The following ARMC7 variants were observed in gnomAD, a reference collection of about 807,000 sequenced individuals.
The protein encoded by ARMC7 is armadillo repeat containing 7, also known as armadillo repeat-containing protein 7.
A neutral mutation model predicts 14.8 loss-of-function variants in ARMC7; 9 were observed. The ratio of observed to expected loss-of-function variants is 0.61; its 90% CI spans 0.37 to 1.06. The LOEUF is 1.06. Among genes scored for constraint, ARMC7 ranks in the 50% least tolerant of loss-of-function variants. The pLI is 0.01. For synonymous variants in ARMC7, 125 were observed against 123.4 expected (o/e 1.01, Z -0.09); for missense variants, 262 against 267.1 (o/e 0.98, Z 0.13).
intron 2 of ARMC7, among the ~76,000 whole-genome samples, chr17:75,110,905 A>G (rs55717701): frequency 0.018 from 2,622 of 143,376 alleles, 35 homozygotes; most frequent in Non-Finnish European, 0.03. Context: ...GTGAGCTGAG[A>G]TCGTGCCACT....
Position 75,110,173 on chromosome 17 carries a change from C to G in ARMC7, c.-116C>G. 2.0e-6 allele frequency: 2 copies of G among 991,908 alleles called. No homozygotes were observed. The highest frequency in any genetic ancestry group is 1.6e-5 in the African/African-American group (1 of 60,840). The allele number at this position is 991,908 out of a possible 1,614,324, so 61.4% of individuals were successfully genotyped here. A position where few individuals can be genotyped will look rare whatever the true frequency, so the allele number is the denominator to read the frequency against. The stretch of plus-strand genomic sequence containing the variant: ...GAACCCAGGAAAGAAACCCATTTGC[C>G]GACCCCCTCTTCCCTCTCCAGACAG... On this transcript the variant is annotated 5_prime_UTR_variant, in exon 1 of 3. Transcript: ENST00000245543.
intron 2 of ARMC7, among the ~76,000 whole-genome samples, chr17:75,125,588 AGCACTTT>A (rs2074045959): frequency 6.6e-6 from 1 of 152,128 alleles, no homozygotes; most frequent in Admixed American, 6.6e-5. Context: ...CCGTAATCCT[AGCACTTT>A]GGGAGGCCAA....
chr17:75,119,741 G>C (rs1020831081), intron 2 of ARMC7, among the ~76,000 whole-genome samples: 3 of 151,396 alleles, frequency 2.0e-5, no homozygotes, highest in African/African-American at 7.3e-5. Context: ...GATTACAGGC[G>C]TGAGCCACCA....
chr17:75,118,143 G>A (rs545390045), intron 2 of ARMC7, among the ~76,000 whole-genome samples: 45 of 149,010 alleles, frequency 3.0e-4, no homozygotes, highest in African/African-American at 1.1e-3. Context: ...AAAAAACAAA[G>A]TTATCTTTAG....
intron 2 of ARMC7, among the ~76,000 whole-genome samples, chr17:75,113,548 G>A (rs1029581965): frequency 6.6e-6 from 1 of 151,176 alleles, no homozygotes; most frequent in African/African-American, 2.4e-5. Context: ...GTAGAGACGG[G>A]GTTTCACCGT....
In ARMC7 at chr17:75,110,214, G is replaced by A. The variant is rs1448347624; in HGVS notation, c.-75G>A. ...CTCCAGACAGGTGGAGAGCGGGTGA[G>A]GGTCTCGCTCGGCTTTCCCCCTGCA... is the stretch of plus-strand genomic sequence containing the variant. On this transcript the variant is annotated 5_prime_UTR_variant, in exon 1 of 3. Coordinates refer to ENST00000245543, the MANE Select transcript of ARMC7 (RefSeq NM_024585.4). 2.9e-6 allele frequency: 4 copies of A among 1,390,424 alleles called. No homozygotes were observed. Among genetic ancestry groups the A allele is most frequent in the Non-Finnish European group, 3.9e-6 (4 of 1,036,302 alleles). 86.1% of individuals were successfully genotyped at this position (1,390,424 alleles called of 1,614,324 possible). A position where few individuals can be genotyped will look rare whatever the true frequency, so the allele number is the denominator to read the frequency against.
At chr17:75,113,743 A>G (rs116308635) in intron 2 of ARMC7, among the ~76,000 whole-genome samples, 2,173 of 152,342 alleles carry the variant, frequency 0.014, 44 homozygotes, top group African/African-American at 0.049. Context: ...GGGCCAGACT[A>G]CAAATGAGGG....
At position 75,110,453 on chromosome 17, in the gene ARMC7, C is replaced by A. The variant is rs746597097; in HGVS notation, c.92-10C>A. 2 of 1,614,252 alleles carry A rather than the reference C, an allele frequency of 1.2e-6. No homozygotes were observed. Among genetic ancestry groups the A allele is most frequent in the Non-Finnish European group, 1.7e-6 (2 of 1,180,040 alleles). ...CCGGACCTGGCTTCAGTGCCGCTTT[C>A]CCGTTGCAGACGCCAAGGAGCAAGT... is the stretch of plus-strand genomic sequence containing the variant. On this transcript the variant is annotated splice_polypyrimidine_tract_variant and intron_variant, in intron 1 of 2. Coordinates refer to ENST00000245543, the MANE Select transcript of ARMC7 (RefSeq NM_024585.4).
At chr17:75,114,742 C>A (rs990366541) in intron 2 of ARMC7, 19 of 398,402 alleles carry the variant, frequency 4.8e-5, no homozygotes, top group Middle Eastern at 6.2e-4. Flanking sequence ...GACCCCCCCG[C>A]CCCAAGCACA....
At position 75,118,438 on chromosome 17, in the gene ARMC7, C is replaced by G. The variant is rs568770118; in HGVS notation, c.235+7832C>G. Among the ~76,000 whole-genome samples the G allele has an allele frequency of 2.0e-5, 3 of 152,316 alleles. No individual in the cohort carries two copies. The South Asian group carries it at 6.2e-4, about 32-fold the overall frequency. ...GAACTACAGTGGCAGCAACCACTTG[C>G]CAACAGGGGCCTGGCCTCACTCACC... On this transcript the variant is annotated intron_variant, in intron 2 of 2. Transcript: ENST00000245543.
intron 2 of ARMC7, among the ~76,000 whole-genome samples, chr17:75,111,263 G>A (rs1568013611): frequency 6.6e-6 from 1 of 151,926 alleles, no homozygotes; most frequent in East Asian, 1.9e-4. Context: ...TGGCCAACAT[G>A]GTGAAACCCC....
chr17:75,127,669 T>C (rs2074061856), intron 2 of ARMC7, among the ~76,000 whole-genome samples: 1 of 152,048 alleles, frequency 6.6e-6, no homozygotes, highest in Admixed American at 6.6e-5. Flanking sequence ...GTTCATGGCT[T>C]ACTGCAGCTC....
At chr17:75,122,784 TTTATAG>T (rs1333762590) in intron 2 of ARMC7, among the ~76,000 whole-genome samples, 3 of 151,742 alleles carry the variant, frequency 2.0e-5, no homozygotes, top group African/African-American at 7.3e-5. Context: ...TCTCACGGAG[TTTATAG>T]TTTAGTGGAG....
At chr17:75,111,725 G>A (rs1476501765) in intron 2 of ARMC7, among the ~76,000 whole-genome samples, 1 of 151,620 alleles carries the variant, frequency 6.6e-6, no homozygotes, top group Non-Finnish European at 1.5e-5. Flanking sequence ...GTGACAAAAC[G>A]AGAATCTGTC....
At chr17:75,110,702 C>T (rs1350744241) in intron 2 of ARMC7, 96 bp downstream of exon 2, 41 of 1,484,694 alleles carry the variant, frequency 2.8e-5, no homozygotes, top group Non-Finnish European at 3.6e-5. Context: ...GTGGCTCACA[C>T]CTGTAATCCC....
intron 2 of ARMC7, among the ~76,000 whole-genome samples, chr17:75,113,504 C>G (rs1009264057): frequency 1.3e-5 from 2 of 151,508 alleles, no homozygotes; most frequent in African/African-American, 4.9e-5. Flanking sequence ...ACAGGCGCCC[C>G]CCCACCAGGC....
intron 2 of ARMC7, among the ~76,000 whole-genome samples, chr17:75,113,701 A>G (rs1355047591): frequency 6.6e-6 from 1 of 152,218 alleles, no homozygotes; most frequent in East Asian, 1.9e-4. Flanking sequence ...AAGACCATCC[A>G]GGTCTCCTCT....
At chr17:75,121,031 G>T (rs921795105) in intron 2 of ARMC7, among the ~76,000 whole-genome samples, 6 of 152,090 alleles carry the variant, frequency 3.9e-5, no homozygotes, top group African/African-American at 1.4e-4. Flanking sequence ...CTGTGGATTT[G>T]CTTTGCCTGT....
intron 2 of ARMC7, among the ~76,000 whole-genome samples, chr17:75,119,154 A>G (rs562320406): frequency 2.6e-5 from 4 of 152,262 alleles, no homozygotes; most frequent in East Asian, 3.9e-4. Context: ...ACACTGGTAC[A>G]CTGGTACACT....
Sources: gnomAD v4.1 joint callset for allele counts (sites outside exome capture counted in the v4.1 genomes callset) on GRCh38, gnomAD v4.1.1 for gene constraint, MANE v1.5 for transcripts, NCBI Gene and HGNC (gene_info 2026-07-23, HGNC 2026-07-21) for gene names.